The following CLASP1 variants were observed in gnomAD, a reference collection of about 807,000 sequenced individuals.
The protein encoded by CLASP1 is CLIP-associating protein 1.
A neutral mutation model predicts 192.3 loss-of-function variants in CLASP1; 38 were observed. That is an observed-to-expected ratio of 0.20 (90% CI 0.15 to 0.26). The LOEUF is 0.26. CLASP1 is among the 10% of genes least tolerant of loss of function. The probability of loss-of-function intolerance (pLI) is 1.00; values close to 1 mark genes in which losing one functional copy is unlikely to be tolerated. For synonymous variants in CLASP1, 691 were observed against 712.8 expected (o/e 0.97, Z 0.49); for missense variants, 1,433 against 1,932.5 (o/e 0.74, Z 4.85).
At chr2:121,538,027 C>T (rs1018619075) in intron 2 of CLASP1, among the ~76,000 whole-genome samples, 1 of 152,146 alleles carries the variant, frequency 6.6e-6, no homozygotes, top group Non-Finnish European at 1.5e-5. Context: ...TGAAAGCTTT[C>T]TCTCTGAGAC....
chr2:121,594,977 G>C (rs545743426), intron 2 of CLASP1, among the ~76,000 whole-genome samples: 1 of 151,990 alleles, frequency 6.6e-6, no homozygotes, highest in South Asian at 2.1e-4. Flanking sequence ...AAGTATATAT[G>C]GTCATGATTC....
chr2:121,565,248 C>T (rs986352297), intron 2 of CLASP1, among the ~76,000 whole-genome samples: 8 of 152,176 alleles, frequency 5.3e-5, no homozygotes, highest in Non-Finnish European at 1.0e-4. Context: ...GGCATGAGTT[C>T]CTCAGGGCAG....
Position 121,501,710 on chromosome 2 carries a change from C to T in CLASP1, c.712+1457G>A, listed in dbSNP as rs186131197. ...AATTCCTTTGGAATAATAATAGGTA[C>T]ACAGCAGAGTGTGAGTCAAAAGACT... is the stretch of plus-strand genomic sequence containing the variant. On this transcript the variant is annotated intron_variant, in intron 8 of 39. Transcript: ENST00000263710. Among the ~76,000 whole-genome samples the T allele has an allele frequency of 1.1e-3, 175 of 152,248 alleles. 2 individuals carry two copies. The highest frequency in any genetic ancestry group is 1.7e-3 in the Non-Finnish European group (115 of 68,014).
chr2:121,379,903 T>A (rs140871439), intron 33 of CLASP1, among the ~76,000 whole-genome samples: 1 of 152,346 alleles, frequency 6.6e-6, no homozygotes, highest in African/African-American at 2.4e-5. Context: ...AATTTCCTCC[T>A]TCTCACTTTC....
chr2:121,615,529 G>GC (rs1426806434), intron 1 of CLASP1, among the ~76,000 whole-genome samples: 1 of 151,964 alleles, frequency 6.6e-6, no homozygotes, highest in Non-Finnish European at 1.5e-5. Flanking sequence ...GGGTGCGGTG[G>GC]CTCAAACCTG....
intron 39 of CLASP1, among the ~76,000 whole-genome samples, chr2:121,343,626 A>T (rs2063064784): frequency 6.6e-6 from 1 of 152,206 alleles, no homozygotes; most frequent in African/African-American, 2.4e-5. Context: ...AAATTCATGG[A>T]GACAGAAAGT....
chr2:121,492,306 G>GCT (rs2093346338), intron 8 of CLASP1, among the ~76,000 whole-genome samples: 1 of 146,364 alleles, frequency 6.8e-6, no homozygotes, highest in African/African-American at 2.5e-5. Flanking sequence ...GTAGAATGGT[G>GCT]AGAACCCGGG....
chr2:121,536,788 G>A (rs1275770159), intron 2 of CLASP1, among the ~76,000 whole-genome samples: 2 of 152,192 alleles, frequency 1.3e-5, no homozygotes, highest in Non-Finnish European at 2.9e-5. Context: ...ATTGTGGAAG[G>A]GAGAAATGAG....
intron 7 of CLASP1, among the ~76,000 whole-genome samples, chr2:121,512,119 A>T (rs1457188050): frequency 2.0e-5 from 3 of 152,216 alleles, no homozygotes; most frequent in African/African-American, 7.2e-5. Flanking sequence ...GAATCAAGTG[A>T]CCTATGTCTC....
At position 121,421,325 on chromosome 2, in the gene CLASP1, G is replaced by C. The variant is rs188956945; in HGVS notation, c.2213-2596C>G. On this transcript the variant is annotated intron_variant, in intron 22 of 39. Coordinates refer to ENST00000263710, the Ensembl canonical transcript of CLASP1. ...GGCTGGAGAGCAATGGTGTGATCTT[G>C]ACTCACTGCAACCTCCGCCTCCTGG... 2.6e-5 allele frequency among the ~76,000 whole-genome samples: 4 copies of C among 152,246 alleles called. No homozygotes were observed. In the East Asian group the frequency reaches 7.7e-4, roughly 29 times the overall value.
chr2:121,509,715 G>A (rs2094058800), intron 7 of CLASP1, among the ~76,000 whole-genome samples: 2 of 152,114 alleles, frequency 1.3e-5, no homozygotes, highest in Admixed American at 6.5e-5. Flanking sequence ...GTATACATCT[G>A]TAATCCCAGC....
At chr2:121,540,060 A>C (rs937373893) in intron 2 of CLASP1, among the ~76,000 whole-genome samples, 1 of 152,250 alleles carries the variant, frequency 6.6e-6, no homozygotes, top group African/African-American at 2.4e-5. Flanking sequence ...TTAGCTAACA[A>C]ATCTGAAGAT....
intron 30 of CLASP1, among the ~76,000 whole-genome samples, chr2:121,394,773 G>T (rs1456393387): frequency 6.6e-6 from 1 of 152,124 alleles, no homozygotes; most frequent in Non-Finnish European, 1.5e-5. Flanking sequence ...CCAGCTACTC[G>T]GGAGGCTGAG....
In CLASP1 at chr2:121,599,077, C is replaced by A. The variant is rs578261264; in HGVS notation, c.195+6624G>T. Among the ~76,000 whole-genome samples, 24 of 151,930 alleles carry A rather than the reference C, an allele frequency of 1.6e-4. No individual in the cohort carries two copies. The South Asian group carries it at 4.8e-3, about 30-fold the overall frequency. On this transcript the variant is annotated intron_variant, in intron 2 of 39. Coordinates refer to ENST00000263710, the Ensembl canonical transcript of CLASP1. ...ACGGGGTTTCACCATGTTGGCCAGG[C>A]TGGTCGTGAACTCCTGGCCTCATGA...
At chr2:121,466,456 A>G (rs2089600755) in intron 9 of CLASP1, among the ~76,000 whole-genome samples, 1 of 152,112 alleles carries the variant, frequency 6.6e-6, no homozygotes, top group Admixed American at 6.6e-5. Context: ...AATGCTAACC[A>G]TGAGTACAGC....
Position 121,572,939 on chromosome 2 carries a change from A to G in CLASP1, c.195+32762T>C, listed in dbSNP as rs2060115791. ...ACTAACCCAGAGCTGAACTAAAATT[A>G]CTCTGCAGTGCTCATGAAAACAGTT... On this transcript the variant is annotated intron_variant, in intron 2 of 39. Coordinates refer to ENST00000263710, the Ensembl canonical transcript of CLASP1. Among the ~76,000 whole-genome samples the G allele has an allele frequency of 5.9e-5, 9 of 152,156 alleles. No individual in the cohort carries two copies. In the South Asian group the frequency reaches 1.9e-3, roughly 32 times the overall value.
chr2:121,451,295 A>G (rs577269587), intron 15 of CLASP1, among the ~76,000 whole-genome samples: 4 of 152,368 alleles, frequency 2.6e-5, no homozygotes, highest in African/African-American at 7.2e-5. Context: ...GTGCACTTAT[A>G]GCTCAATCTT....
chr2:121,387,801 G>A (rs2073587118), exon 31 of CLASP1: 1 of 1,613,788 alleles, frequency 6.2e-7, no homozygotes, highest in Non-Finnish European at 8.5e-7. Flanking sequence ...TGGTTGTGCA[G>A]GAGTTTGGTG....
intron 2 of CLASP1, among the ~76,000 whole-genome samples, chr2:121,573,218 C>G (rs1418559014): frequency 6.6e-6 from 1 of 152,144 alleles, no homozygotes; most frequent in Non-Finnish European, 1.5e-5. Flanking sequence ...CCTCAGCCTC[C>G]CCAAGTGCTG....
Sources: gnomAD v4.1 joint callset for allele counts (sites outside exome capture counted in the v4.1 genomes callset) on GRCh38, gnomAD v4.1.1 for gene constraint, MANE v1.5 for transcripts, NCBI Gene and HGNC (gene_info 2026-07-23, HGNC 2026-07-21) for gene names.